MACROD2: variants seen among roughly 807,000 people sequenced by gnomAD.
MACROD2 encodes mono-ADP ribosylhydrolase 2.
Under a neutral mutation model 70.4 loss-of-function variants are expected in MACROD2, and 36 were observed. That is an observed-to-expected ratio of 0.51 (90% CI 0.39 to 0.68). The LOEUF (loss-of-function observed/expected upper bound fraction) is 0.68, where lower values mean the gene tolerates loss of function less well. Ranked by LOEUF, MACROD2 falls within the 30% of genes least tolerant of loss-of-function variation. The probability of loss-of-function intolerance (pLI) is 0.00; values close to 1 mark genes in which losing one functional copy is unlikely to be tolerated. For synonymous variants in MACROD2, 172 were observed against 178.8 expected (o/e 0.96, Z 0.30); for missense variants, 496 against 538.4 (o/e 0.92, Z 0.78).
intron 5 of MACROD2, among the ~76,000 whole-genome samples, chr20:14,705,364 G>T (rs759453724): frequency 1.4e-4 from 22 of 151,984 alleles, no homozygotes; most frequent in Non-Finnish European, 2.6e-4. Context: ...AAAAAATAAT[G>T]CCCCTCTATG....
intron 15 of MACROD2, among the ~76,000 whole-genome samples, chr20:16,035,714 AGTTGT>A (rs1473263280): frequency 6.6e-6 from 1 of 152,000 alleles, no homozygotes; most frequent in Non-Finnish European, 1.5e-5. Context: ...GATTTAGAAC[AGTTGT>A]CTGTTCTTTT....
chr20:14,199,263 G>A (rs1013960412), intron 3 of MACROD2, among the ~76,000 whole-genome samples: 2 of 152,096 alleles, frequency 1.3e-5, no homozygotes, highest in African/African-American at 2.4e-5. Context: ...GTTGTACGTC[G>A]GTGAGTGACA....
chr20:14,692,483 T>C (rs1389107373), intron 5 of MACROD2, among the ~76,000 whole-genome samples: 3 of 152,216 alleles, frequency 2.0e-5, no homozygotes, highest in Admixed American at 2.0e-4. Flanking sequence ...GTCCTATGGG[T>C]CTCATTTACC....
At chr20:15,530,528 C>T (rs984258145) in intron 8 of MACROD2, among the ~76,000 whole-genome samples, 9 of 151,702 alleles carry the variant, frequency 5.9e-5, no homozygotes, top group Admixed American at 4.6e-4. Context: ...GTTAGGAAAT[C>T]GAGACCATCC....
chr20:15,563,899 C>T (rs1454228120), intron 8 of MACROD2, among the ~76,000 whole-genome samples: 2 of 152,122 alleles, frequency 1.3e-5, no homozygotes, highest in African/African-American at 2.4e-5. Flanking sequence ...ATTTAATCAG[C>T]GCTGGAACAA....
At chr20:14,064,155 C>G (rs11908650) in intron 2 of MACROD2, among the ~76,000 whole-genome samples, 23,077 of 152,156 alleles carry the variant, frequency 0.15, 1,944 homozygotes, top group Admixed American at 0.22. Flanking sequence ...TGGGCTTCTG[C>G]TGGTTTCTCT....
chr20:14,439,516 G>A (rs944925938), intron 3 of MACROD2, among the ~76,000 whole-genome samples: 3 of 152,108 alleles, frequency 2.0e-5, no homozygotes, highest in African/African-American at 7.2e-5. Flanking sequence ...GTGTGTGTGT[G>A]TATGTATATA....
At chr20:14,012,423 G>A (rs2052924009) in intron 2 of MACROD2, among the ~76,000 whole-genome samples, 1 of 152,196 alleles carries the variant, frequency 6.6e-6, no homozygotes, top group Non-Finnish European at 1.5e-5. Context: ...GAGATTATCA[G>A]TATGAGATTA....
At chr20:14,164,434 C>T (rs1353373947) in intron 3 of MACROD2, among the ~76,000 whole-genome samples, 1 of 152,086 alleles carries the variant, frequency 6.6e-6, no homozygotes, top group Non-Finnish European at 1.5e-5. Context: ...CTCCAGGTGA[C>T]TTGCTTAGGT....
chr20:14,769,298 A>G (rs2072134200), intron 5 of MACROD2, among the ~76,000 whole-genome samples: 1 of 152,102 alleles, frequency 6.6e-6, no homozygotes, highest in Non-Finnish European at 1.5e-5. Flanking sequence ...ATTTTCTGGT[A>G]GTGTATCTTA....
At chr20:15,882,289 C>T (rs1257461340) in intron 9 of MACROD2, among the ~76,000 whole-genome samples, 1 of 151,932 alleles carries the variant, frequency 6.6e-6, no homozygotes, top group East Asian at 1.9e-4. Context: ...GGGGAGTGGA[C>T]AGATGGGGAA....
At chr20:14,691,193 A>G (rs539719079) in intron 5 of MACROD2, among the ~76,000 whole-genome samples, 1 of 152,368 alleles carries the variant, frequency 6.6e-6, no homozygotes, top group South Asian at 2.1e-4. Context: ...GTGGGATTAC[A>G]GGTGTGAACC....
intron 4 of MACROD2, among the ~76,000 whole-genome samples, chr20:14,572,704 G>A (rs1980277121): frequency 6.6e-6 from 1 of 152,004 alleles, no homozygotes; most frequent in Non-Finnish European, 1.5e-5. Flanking sequence ...GGTTTGTATT[G>A]TGACTGGAAG....
intron 3 of MACROD2, among the ~76,000 whole-genome samples, chr20:14,339,469 G>T (rs1233586826): frequency 6.6e-6 from 1 of 152,138 alleles, no homozygotes; most frequent in East Asian, 1.9e-4. Flanking sequence ...GATAGGAGTT[G>T]GTTCTGTTTA....
At chr20:15,042,475 G>C (rs577840996) in intron 5 of MACROD2, among the ~76,000 whole-genome samples, 4 of 152,294 alleles carry the variant, frequency 2.6e-5, no homozygotes, top group Middle Eastern at 3.4e-3. Context: ...GTTTGGCTGA[G>C]GCCTGACTCT....
chr20:14,460,187 C>T (rs1193626881), intron 3 of MACROD2, among the ~76,000 whole-genome samples: 3 of 152,042 alleles, frequency 2.0e-5, no homozygotes, highest in Non-Finnish European at 4.4e-5. Context: ...AATAAACATA[C>T]GTGTGCATGT....
chr20:14,019,870 A>G (rs1346290775), intron 2 of MACROD2, among the ~76,000 whole-genome samples: 3 of 152,142 alleles, frequency 2.0e-5, no homozygotes, highest in Non-Finnish European at 4.4e-5. Context: ...AATGGCTGGT[A>G]ATTGTTTAAC....
chr20:14,468,652 C>T (rs1269009877), intron 3 of MACROD2, among the ~76,000 whole-genome samples: 1 of 151,968 alleles, frequency 6.6e-6, no homozygotes, highest in African/African-American at 2.4e-5. Flanking sequence ...GCTGAGATTA[C>T]AGGCACATGC....
intron 3 of MACROD2, among the ~76,000 whole-genome samples, chr20:14,181,068 A>AT (rs59164079): frequency 0.015 from 1,988 of 136,614 alleles, 41 homozygotes; most frequent in African/African-American, 0.045. Flanking sequence ...CTGTCATTAC[A>AT]TTTTTTTTTT....
Sources: allele counts gnomAD v4.1 joint callset (sites outside exome capture counted in the v4.1 genomes callset), GRCh38; gene constraint gnomAD v4.1.1; transcripts MANE v1.5; gene names NCBI Gene and HGNC (gene_info 2026-07-23, HGNC 2026-07-21).